The following HS3ST4 variants were observed in gnomAD, a reference collection of about 807,000 sequenced individuals.
HS3ST4 encodes heparan sulfate-glucosamine 3-sulfotransferase 4, also known as heparan sulfate glucosamine 3-O-sulfotransferase 4.
In HS3ST4, 17 loss-of-function variants were observed where a neutral mutation model predicts 29.2. The ratio of observed to expected loss-of-function variants is 0.58; its 90% CI spans 0.40 to 0.87. The LOEUF (loss-of-function observed/expected upper bound fraction) is 0.87, where lower values mean the gene tolerates loss of function less well. Ranked by LOEUF, HS3ST4 falls within the 40% of genes least tolerant of loss-of-function variation. HS3ST4 has a pLI of 0.00. For synonymous variants in HS3ST4, 314 were observed against 285.7 expected, an observed-to-expected ratio of 1.10 and a Z score of -1.00; for missense variants, 627 against 634.5, an observed-to-expected ratio of 0.99 and a Z score of 0.13.
intron 1 of HS3ST4, among the ~76,000 whole-genome samples, chr16:25,963,487 T>C (rs1232439002): frequency 1.3e-5 from 2 of 152,224 alleles, no homozygotes; most frequent in East Asian, 1.9e-4. Context: ...CAGTTATTGG[T>C]ACAGCTAAAC....
intron 1 of HS3ST4, among the ~76,000 whole-genome samples, chr16:26,027,442 C>T (rs776277957): frequency 6.6e-6 from 1 of 152,234 alleles, no homozygotes; most frequent in Non-Finnish European, 1.5e-5. Context: ...TCCATATTCT[C>T]TGTGAACATT....
intron 1 of HS3ST4, among the ~76,000 whole-genome samples, chr16:25,730,866 G>C (rs974676686): frequency 8.6e-5 from 13 of 151,794 alleles, no homozygotes; most frequent in East Asian, 5.8e-4. Flanking sequence ...TTTGTGTTCT[G>C]TGATTTACCA....
intron 1 of HS3ST4, among the ~76,000 whole-genome samples, chr16:26,063,904 C>G (rs909303634): frequency 1.3e-5 from 2 of 152,144 alleles, no homozygotes; most frequent in Non-Finnish European, 2.9e-5. Flanking sequence ...CTAGTAAACT[C>G]CAGTAAATTA....
chr16:26,023,634 G>A (rs114675343), intron 1 of HS3ST4, among the ~76,000 whole-genome samples: 2,251 of 151,878 alleles, frequency 0.015, 65 homozygotes, highest in African/African-American at 0.052. Flanking sequence ...TCAAACTCCC[G>A]GCCTCAAGTG....
At chr16:25,987,933 G>C (rs555788161) in intron 1 of HS3ST4, among the ~76,000 whole-genome samples, 1 of 152,114 alleles carries the variant, frequency 6.6e-6, no homozygotes, top group Non-Finnish European at 1.5e-5. Context: ...ACCATGCCTG[G>C]CTAATTTTTG....
chr16:25,881,375 C>T (rs1967894717), intron 1 of HS3ST4, among the ~76,000 whole-genome samples: 2 of 152,138 alleles, frequency 1.3e-5, no homozygotes, highest in African/African-American at 2.4e-5. Context: ...GGACATAGAA[C>T]ATTCCTAAAC....
At chr16:25,998,891 G>A (rs1969179425) in intron 1 of HS3ST4, among the ~76,000 whole-genome samples, 1 of 152,170 alleles carries the variant, frequency 6.6e-6, no homozygotes, top group Non-Finnish European at 1.5e-5. Context: ...ATTATGCTGT[G>A]CTTTGAAAGA....
At chr16:26,060,859 C>T (rs959200646) in intron 1 of HS3ST4, among the ~76,000 whole-genome samples, 2 of 152,180 alleles carry the variant, frequency 1.3e-5, no homozygotes, top group African/African-American at 4.8e-5. Flanking sequence ...TCATTAATTA[C>T]TGATTGGCTG....
intron 1 of HS3ST4, among the ~76,000 whole-genome samples, chr16:25,762,681 A>G (rs1966795363): frequency 6.6e-6 from 1 of 151,870 alleles, no homozygotes; most frequent in Admixed American, 6.6e-5. Flanking sequence ...AGCCTGGGCA[A>G]CATGGAGAAA....
intron 1 of HS3ST4, among the ~76,000 whole-genome samples, chr16:26,044,783 A>G (rs1898245372): frequency 6.6e-6 from 1 of 152,144 alleles, no homozygotes; most frequent in Non-Finnish European, 1.5e-5. Context: ...CTGCTTGCTC[A>G]GGCAGATGTA....
chr16:26,060,295 C>A (rs1043886301), intron 1 of HS3ST4, among the ~76,000 whole-genome samples: 1 of 152,138 alleles, frequency 6.6e-6, no homozygotes, highest in African/African-American at 2.4e-5. Context: ...TTATTGGAGT[C>A]TTTGGGGTGT....
intron 1 of HS3ST4, among the ~76,000 whole-genome samples, chr16:25,808,204 A>C (rs1032509310): frequency 1.3e-5 from 2 of 152,160 alleles, no homozygotes; most frequent in South Asian, 2.1e-4. Context: ...TTCTTTGCCT[A>C]GCCTGGATCC....
At chr16:26,074,111 A>C (rs1898631958) in intron 1 of HS3ST4, among the ~76,000 whole-genome samples, 1 of 152,104 alleles carries the variant, frequency 6.6e-6, no homozygotes, top group Non-Finnish European at 1.5e-5. Context: ...CACTTACATG[A>C]AGGAGCATTT....
intron 1 of HS3ST4, among the ~76,000 whole-genome samples, chr16:25,948,615 A>G (rs564777587): frequency 7.2e-4 from 110 of 152,110 alleles, no homozygotes; most frequent in Middle Eastern, 3.4e-3. Flanking sequence ...TGTTCTAATC[A>G]CTTGTATTGA....
rs570688745 is a variant in HS3ST4 at position 25,882,040 on chromosome 16, G to C, written c.734+188889G>C. ...TGGCTTTGCTTTCAGAGATTCAAAGGCTAAGCCTCTTTGGGGAAACTGAGG... is the reference window on the plus strand; with the variant it reads ...TGGCTTTGCTTTCAGAGATTCAAAGCCTAAGCCTCTTTGGGGAAACTGAGG... On this transcript the variant is annotated intron_variant, in intron 1 of 1. Coordinates refer to ENST00000331351, the MANE Select transcript of HS3ST4 (RefSeq NM_006040.3). Among the ~76,000 whole-genome samples the C allele has an allele frequency of 1.7e-4, 26 of 152,214 alleles. No individual in the cohort carries two copies. The South Asian group carries it at 4.6e-3, about 27-fold the overall frequency.
chr16:26,006,073 T>C (rs1406766230), intron 1 of HS3ST4, among the ~76,000 whole-genome samples: 2 of 151,904 alleles, frequency 1.3e-5, no homozygotes, highest in Admixed American at 6.6e-5. Context: ...CTGAGGTATG[T>C]GAATCACCTG....
chr16:26,130,041 A>G (rs1270353508), intron 1 of HS3ST4, among the ~76,000 whole-genome samples: 1 of 152,188 alleles, frequency 6.6e-6, no homozygotes, highest in Non-Finnish European at 1.5e-5. Context: ...CTCTTTCAAA[A>G]GAGAAACTGG....
chr16:26,017,278 A>G (rs186922272), intron 1 of HS3ST4, among the ~76,000 whole-genome samples: 75 of 152,302 alleles, frequency 4.9e-4, no homozygotes, highest in Admixed American at 3.9e-3. Context: ...GGCTACTAAC[A>G]TGGTGATCTC....
At chr16:26,037,081 C>A (rs1000374423) in intron 1 of HS3ST4, among the ~76,000 whole-genome samples, 1 of 152,156 alleles carries the variant, frequency 6.6e-6, no homozygotes, top group African/African-American at 2.4e-5. Context: ...TATCTCACTT[C>A]CCTTGGGTAA....
Sources: gnomAD v4.1 joint callset for allele counts (sites outside exome capture counted in the v4.1 genomes callset) on GRCh38, gnomAD v4.1.1 for gene constraint, MANE v1.5 for transcripts, NCBI Gene and HGNC (gene_info 2026-07-23, HGNC 2026-07-21) for gene names.